SPATA13: variants seen among roughly 807,000 people sequenced by gnomAD.
SPATA13 encodes spermatogenesis associated 13.
Under a neutral mutation model 104.0 loss-of-function variants are expected in SPATA13, and 50 were observed. The ratio of observed to expected loss-of-function variants is 0.48; its 90% CI spans 0.38 to 0.61. The LOEUF (loss-of-function observed/expected upper bound fraction) is 0.61. SPATA13 is among the 20% of genes least tolerant of loss of function. The pLI, the probability that SPATA13 is intolerant of heterozygous loss-of-function variation, is 0.00. For synonymous variants in SPATA13, 606 were observed against 667.5 expected (o/e 0.91, Z 1.42); for missense variants, 1,524 against 1,690.6 (o/e 0.90, Z 1.73).
chr13:24,105,306 T>C (rs1482123062), intron 3 of SPATA13, among the ~76,000 whole-genome samples: 1 of 152,026 alleles, frequency 6.6e-6, no homozygotes, highest in African/African-American at 2.4e-5. Flanking sequence ...TTTTTATTTT[T>C]TGTATTTTGG....
At chr13:24,249,942 T>C (rs1360326124) in intron 3 of SPATA13, 100 bp downstream of exon 3, 30 of 1,469,446 alleles carry the variant, frequency 2.0e-5, no homozygotes, top group Non-Finnish European at 2.7e-5. Context: ...TTCTCTCCCG[T>C]TCTCAAGGGC....
At chr13:24,001,260 G>A (rs1875954395) in intron 2 of SPATA13, among the ~76,000 whole-genome samples, 1 of 152,212 alleles carries the variant, frequency 6.6e-6, no homozygotes. Context: ...CGCTGAGGTG[G>A]AGGGTGAGCA....
At chr13:24,019,340 G>A (rs1417245657) in intron 3 of SPATA13, among the ~76,000 whole-genome samples, 1 of 151,866 alleles carries the variant, frequency 6.6e-6, no homozygotes, top group African/African-American at 2.4e-5. Flanking sequence ...CGCCCGCCTC[G>A]GCCTCCCAAA....
At chr13:24,073,049 T>A (rs1158458516) in intron 3 of SPATA13, among the ~76,000 whole-genome samples, 4 of 152,160 alleles carry the variant, frequency 2.6e-5, no homozygotes, top group Admixed American at 1.3e-4. Flanking sequence ...TTCATAGGGA[T>A]CACCGATATT....
chr13:24,175,023 A>G (rs982811079), intron 1 of SPATA13, among the ~76,000 whole-genome samples: 3 of 152,180 alleles, frequency 2.0e-5, no homozygotes, highest in African/African-American at 4.8e-5. Flanking sequence ...AACACACTCT[A>G]TATGATTTCA....
intron 1 of SPATA13, among the ~76,000 whole-genome samples, chr13:24,176,227 C>T (rs764757110): frequency 2.6e-5 from 4 of 152,166 alleles, no homozygotes; most frequent in Non-Finnish European, 4.4e-5. Context: ...TTATGCCTGT[C>T]TTTTCCATAA....
chr13:24,132,642 G>A (rs1881423057), intron 3 of SPATA13, among the ~76,000 whole-genome samples: 1 of 152,206 alleles, frequency 6.6e-6, no homozygotes, highest in Admixed American at 6.5e-5. Context: ...AGGCTTAAGA[G>A]AAGACATTAA....
chr13:24,024,312 G>T (rs1046775578), intron 3 of SPATA13, among the ~76,000 whole-genome samples: 1 of 148,652 alleles, frequency 6.7e-6, no homozygotes, highest in East Asian at 2.1e-4. Context: ...CCAGACCATG[G>T]TGGGTGCTTA....
chr13:24,053,922 G>A lies in SPATA13; in HGVS notation c.-112+36221G>A, dbSNP rs182843057. ...AAACATTAGTGAACTCACAAAGGAA[G>A]TGTTATTATGGGGTGTCTATGTGCT... On this transcript the variant is annotated intron_variant, in intron 3 of 14. Coordinates refer to the SPATA13 transcript ENST00000424834. Among the ~76,000 whole-genome samples, 4 of 152,342 alleles carry A rather than the reference G, an allele frequency of 2.6e-5. No individual in the cohort carries two copies. In the East Asian group the frequency reaches 7.7e-4, roughly 29 times the overall value.
chr13:24,182,159 T>C (rs1566136729), intron 1 of SPATA13, among the ~76,000 whole-genome samples: 1 of 152,120 alleles, frequency 6.6e-6, no homozygotes, highest in South Asian at 2.1e-4. Flanking sequence ...CCTGGCCAGA[T>C]GAGATAAAAA....
chr13:24,215,092 C>G (rs1871207321), intron 1 of SPATA13, among the ~76,000 whole-genome samples: 1 of 152,184 alleles, frequency 6.6e-6, no homozygotes, highest in Non-Finnish European at 1.5e-5. Context: ...ACCTCCACCT[C>G]TAACAAAGTC....
intron 2 of SPATA13, among the ~76,000 whole-genome samples, chr13:23,996,400 TCAATTGG>T (rs1394992924): frequency 2.9e-5 from 2 of 68,224 alleles, no homozygotes; most frequent in African/African-American, 4.7e-5. Flanking sequence ...TCAGCAGAGT[TCAATTGG>T]GCAAAAAACG....
At chr13:23,984,704 G>A (rs1875067388) in intron 2 of SPATA13, among the ~76,000 whole-genome samples, 1 of 152,220 alleles carries the variant, frequency 6.6e-6, no homozygotes, top group African/African-American at 2.4e-5. Flanking sequence ...GCACTGCTTG[G>A]ACAAGATCCA....
intron 7 of SPATA13, 107 bp downstream of exon 7, chr13:24,287,057 A>T: frequency 1.2e-6 from 1 of 850,760 alleles, no homozygotes; most frequent in Non-Finnish European, 1.7e-6. Flanking sequence ...AGGCTCCCAC[A>T]TGTATGCTCA....
At chr13:24,039,303 C>T (rs1053579271) in intron 3 of SPATA13, among the ~76,000 whole-genome samples, 2 of 152,206 alleles carry the variant, frequency 1.3e-5, no homozygotes, top group African/African-American at 4.8e-5. Context: ...ATTTACCAAC[C>T]TGGTGTTGAC....
At chr13:24,169,318 G>A (rs1882870670) in intron 1 of SPATA13, among the ~76,000 whole-genome samples, 1 of 152,190 alleles carries the variant, frequency 6.6e-6, no homozygotes, top group African/African-American at 2.4e-5. Context: ...AGCTCCCCTT[G>A]AGTTGAGTCT....
chr13:24,154,327 C>G (rs553332816), intron 3 of SPATA13, among the ~76,000 whole-genome samples: 5 of 152,194 alleles, frequency 3.3e-5, no homozygotes, highest in African/African-American at 1.2e-4. Context: ...TATATTCAAA[C>G]AGCAGAATAC....
intron 1 of SPATA13, among the ~76,000 whole-genome samples, chr13:24,167,114 G>A (rs565538470): frequency 2.6e-5 from 4 of 152,312 alleles, no homozygotes; most frequent in South Asian, 2.1e-4. Context: ...CTTCCCAAGC[G>A]TAGTCAAGTT....
At chr13:24,194,657 T>C (rs2138558076) in intron 1 of SPATA13, among the ~76,000 whole-genome samples, 1 of 152,332 alleles carries the variant, frequency 6.6e-6, no homozygotes, top group African/African-American at 2.4e-5. Context: ...GGTCTGCCGC[T>C]TTCCACTGGA....
Sources: allele counts gnomAD v4.1 joint callset (sites outside exome capture counted in the v4.1 genomes callset), GRCh38; gene constraint gnomAD v4.1.1; transcripts MANE v1.5; gene names NCBI Gene and HGNC (gene_info 2026-07-23, HGNC 2026-07-21).